PRR16: variants seen among roughly 807,000 people sequenced by gnomAD.
PRR16 encodes protein Largen.
A neutral mutation model predicts 18.2 loss-of-function variants in PRR16; 6 were observed. The observed-to-expected ratio is 0.33, with a 90% CI of 0.18 to 0.65. PRR16 has a LOEUF of 0.65. Among genes scored for constraint, PRR16 ranks in the 30% least tolerant of loss-of-function variants. The probability of loss-of-function intolerance (pLI) is 0.74; values close to 1 mark genes in which losing one functional copy is unlikely to be tolerated. For missense variants in PRR16, 412 were observed against 376.6 expected, an observed-to-expected ratio of 1.09 and a Z score of -0.78; for synonymous variants, 151 against 147.8, an observed-to-expected ratio of 1.02 and a Z score of -0.16.
At chr5:120,617,280 G>T (rs1182713780) in intron 1 of PRR16, 10 of 592,858 alleles carry the variant, frequency 1.7e-5, no homozygotes, top group African/African-American at 2.0e-5. Context: ...TATATCATTT[G>T]TAATTCAAAA....
chr5:120,612,277 T>C (rs914681955), intron 1 of PRR16, among the ~76,000 whole-genome samples: 1 of 152,132 alleles, frequency 6.6e-6, no homozygotes, highest in Non-Finnish European at 1.5e-5. Context: ...GACTTTTGGG[T>C]TAATGCTGAA....
At chr5:120,574,046 CA>C (rs1258043972) in intron 1 of PRR16, among the ~76,000 whole-genome samples, 2 of 151,482 alleles carry the variant, frequency 1.3e-5, no homozygotes, top group African/African-American at 4.9e-5. Flanking sequence ...AATACAATTT[CA>C]AAAAAATACA....
chr5:120,516,056 C>G lies in PRR16; in HGVS notation c.159+51411C>G, dbSNP rs934685651. On this transcript the variant is annotated intron_variant, in intron 1 of 1. Transcript: ENST00000407149. Reference sequence around the variant, plus strand: ...CCCTCTTTTTAGTACAACTGCTTCCCTAGATTGTCTCCACAATGCAGTTCA... The same window carrying G: ...CCCTCTTTTTAGTACAACTGCTTCCGTAGATTGTCTCCACAATGCAGTTCA... 5.9e-5 allele frequency among the ~76,000 whole-genome samples: 9 copies of G among 152,164 alleles called. No individual in the cohort carries two copies. The East Asian group carries it at 1.2e-3, about 20-fold the overall frequency.
intron 1 of PRR16, among the ~76,000 whole-genome samples, chr5:120,663,737 A>G (rs1364028435): frequency 6.6e-6 from 1 of 152,170 alleles, no homozygotes; most frequent in Non-Finnish European, 1.5e-5. Context: ...TTTTTGGGAA[A>G]GGATTATTAT....
At chr5:120,656,148 T>A (rs1755967342) in intron 1 of PRR16, among the ~76,000 whole-genome samples, 1 of 151,854 alleles carries the variant, frequency 6.6e-6, no homozygotes, top group Non-Finnish European at 1.5e-5. Flanking sequence ...TTTTCACCAA[T>A]GACTGTCTTT....
At chr5:120,728,696 G>A in the PRR16 span, among the ~76,000 whole-genome samples, 2 of 152,150 alleles carry the variant, frequency 1.3e-5, no homozygotes. Context: ...AAGCTGGATG[G>A]CGTGCTTTTC....
intron 1 of PRR16, among the ~76,000 whole-genome samples, chr5:120,528,556 A>T (rs1751445559): frequency 6.6e-6 from 1 of 152,182 alleles, no homozygotes; most frequent in Admixed American, 6.6e-5. Flanking sequence ...TAAATCAATT[A>T]TGAATTTGAG....
the PRR16 span, among the ~76,000 whole-genome samples, chr5:120,723,429 G>A: frequency 6.6e-6 from 1 of 151,884 alleles, no homozygotes; most frequent in Admixed American, 6.6e-5. Flanking sequence ...ATGAGAAATA[G>A]TTTTCCTAAG....
the PRR16 span, among the ~76,000 whole-genome samples, chr5:120,772,484 G>A: frequency 5.3e-5 from 8 of 152,066 alleles, no homozygotes; most frequent in East Asian, 3.9e-4. Context: ...GAGATATACC[G>A]TTAATGTAAA....
chr5:120,714,265 T>C, the PRR16 span, among the ~76,000 whole-genome samples: 1 of 152,166 alleles, frequency 6.6e-6, no homozygotes, highest in East Asian at 1.9e-4. Flanking sequence ...AAATGTATAA[T>C]CTGAACTAAT....
rs148406219 is a variant in PRR16, at chr5:120,676,128, C to T, written c.160-9826C>T. Among the ~76,000 whole-genome samples the T allele has an allele frequency of 3.4e-3, 512 of 151,926 alleles. 4 individuals carry two copies. The highest frequency in any genetic ancestry group is 0.012 in the African/African-American group (488 of 41,468). On this transcript the variant is annotated intron_variant, in intron 1 of 1. Transcript: ENST00000407149. Reference sequence around the variant, plus strand: ...TGTGGGTGTGTGTATTTTATTGTCACTGTTTGTTTTAGTATCTCTTTCAGA... The same window carrying T: ...TGTGGGTGTGTGTATTTTATTGTCATTGTTTGTTTTAGTATCTCTTTCAGA...
At chr5:120,650,329 TC>T (rs1248091093) in intron 1 of PRR16, among the ~76,000 whole-genome samples, 2 of 151,846 alleles carry the variant, frequency 1.3e-5, no homozygotes, top group African/African-American at 4.8e-5. Flanking sequence ...TTTTCTTTTT[TC>T]TTTTTTTTTT....
At chr5:120,697,872 C>G in the PRR16 span, among the ~76,000 whole-genome samples, 2 of 150,876 alleles carry the variant, frequency 1.3e-5, no homozygotes, top group Admixed American at 6.6e-5. Flanking sequence ...AAACTTAAGA[C>G]AAAAGAAGTA....
At chr5:120,478,705 G>C (rs997185571) in intron 1 of PRR16, among the ~76,000 whole-genome samples, 1 of 151,886 alleles carries the variant, frequency 6.6e-6, no homozygotes, top group South Asian at 2.1e-4. Flanking sequence ...TTTTTGCCTA[G>C]GAATGTAATT....
intron 1 of PRR16, among the ~76,000 whole-genome samples, chr5:120,548,627 C>G (rs1752150313): frequency 1.3e-5 from 2 of 152,068 alleles, no homozygotes; most frequent in South Asian, 4.1e-4. Flanking sequence ...TTACTATTAG[C>G]CCTCAAGTTT....
At chr5:120,504,570 C>A (rs560324393) in intron 1 of PRR16, among the ~76,000 whole-genome samples, 101 of 152,058 alleles carry the variant, frequency 6.6e-4, no homozygotes, top group Non-Finnish European at 1.1e-3. Context: ...AGCAGTGAGT[C>A]GCCCTTCACG....
intron 1 of PRR16, among the ~76,000 whole-genome samples, chr5:120,597,049 T>G (rs896783466): frequency 7.9e-6 from 1 of 126,906 alleles, no homozygotes; most frequent in Non-Finnish European, 1.6e-5. Flanking sequence ...GGATTTTATA[T>G]TTTTAATGTA....
chr5:120,642,363 A>G (rs760414135), intron 1 of PRR16, among the ~76,000 whole-genome samples: 2 of 152,066 alleles, frequency 1.3e-5, no homozygotes, highest in Non-Finnish European at 1.5e-5. Context: ...AATTAGATGT[A>G]AAGTTTAATC....
the PRR16 span, among the ~76,000 whole-genome samples, chr5:120,769,850 G>C: frequency 4.0e-5 from 6 of 151,896 alleles, no homozygotes; most frequent in African/African-American, 9.6e-5. Context: ...TTCTAATTTT[G>C]TCATATCCTC....
Sources: allele counts gnomAD v4.1 joint callset (sites outside exome capture counted in the v4.1 genomes callset), GRCh38; gene constraint gnomAD v4.1.1; transcripts MANE v1.5; gene names NCBI Gene and HGNC (gene_info 2026-07-23, HGNC 2026-07-21).